Variants in CCDC39 observed in about 807,000 individuals in gnomAD.
CCDC39 encodes coiled-coil domain 39 molecular ruler complex subunit.
A neutral mutation model predicts 121.0 loss-of-function variants in CCDC39; 113 were observed. The ratio of observed to expected loss-of-function variants is 0.93; its 90% CI spans 0.80 to 1.09. The LOEUF is 1.09. Ranked by LOEUF, CCDC39 falls within the 50% of genes least tolerant of loss-of-function variation. The pLI is 0.00. For synonymous variants in CCDC39, 349 were observed against 352.2 expected (o/e 0.99, Z 0.10); for missense variants, 1,063 against 1,074.7 (o/e 0.99, Z 0.15).
intron 13 of CCDC39, among the ~76,000 whole-genome samples, chr3:180,633,382 C>T (rs113502167): frequency 2.2e-4 from 34 of 152,270 alleles, no homozygotes; most frequent in African/African-American, 7.7e-4. Flanking sequence ...TTAGTACCAT[C>T]TAAAAGAGAA....
intron 6 of CCDC39, among the ~76,000 whole-genome samples, chr3:180,657,514 A>G (rs1318361056): frequency 6.6e-6 from 1 of 152,218 alleles, no homozygotes; most frequent in Non-Finnish European, 1.5e-5. Context: ...TTACATTATC[A>G]AGCCCAGAAA....
intron 11 of CCDC39, among the ~76,000 whole-genome samples, chr3:180,645,097 C>T (rs1488611703): frequency 2.6e-5 from 4 of 152,102 alleles, no homozygotes; most frequent in Non-Finnish European, 5.9e-5. Context: ...ATGGACTCTT[C>T]CTCAGTTTCC....
At chr3:180,615,195 T>C in intron 19 of CCDC39, 118 bp from the exon 20 acceptor site, 1 of 671,488 alleles carries the variant, frequency 1.5e-6, no homozygotes, top group Non-Finnish European at 2.4e-6. Context: ...AAAGTACATA[T>C]TAATAGTGTT....
At chr3:180,652,934 G>A (rs2108425264) in intron 7 of CCDC39, among the ~76,000 whole-genome samples, 1 of 152,054 alleles carries the variant, frequency 6.6e-6, no homozygotes, top group South Asian at 2.1e-4. Context: ...AAATACTTAG[G>A]AATAAATTTA....
chr3:180,658,279 C>A (rs1711636568), intron 6 of CCDC39, among the ~76,000 whole-genome samples: 1 of 138,588 alleles, frequency 7.2e-6, no homozygotes, highest in Non-Finnish European at 1.5e-5. Flanking sequence ...AAAAGAACCT[C>A]CTTAAAAAAA....
chr3:180,677,072 C>T (rs1712234169), intron 1 of CCDC39, among the ~76,000 whole-genome samples: 1 of 147,420 alleles, frequency 6.8e-6, no homozygotes, highest in Non-Finnish European at 1.5e-5. Context: ...GTGCAGCACA[C>T]CAACATGGCA....
chr3:180,617,358 A>G (rs1717285882), intron 16 of CCDC39: 1 of 562,580 alleles, frequency 1.8e-6, no homozygotes, highest in East Asian at 2.9e-5. Context: ...TTACTATACA[A>G]TATACTTTTA....
rs945414657 is a variant in CCDC39, at chr3:180,650,130, GTCACACTTATAGT to G, written c.1167+1258_1167+1270del. The stretch of plus-strand genomic sequence containing the variant: ...GAGTAAAAGCAAGAAGTAGAGTCAG[GTCACACTTATAGT>G]TCACACTTATAGTTCACTTTGAAGT... On this transcript the variant is annotated intron_variant, in intron 9 of 19. Transcript: ENST00000476379. Among the ~76,000 whole-genome samples, 11 of 152,222 alleles carry G rather than the reference GTCACACTTATAGT, an allele frequency of 7.2e-5. No homozygotes were observed. The highest frequency in any genetic ancestry group is 2.1e-4 in the South Asian group (1 of 4,820).
At chr3:180,663,514 A>T (rs1168026143) in intron 2 of CCDC39, among the ~76,000 whole-genome samples, 2 of 152,046 alleles carry the variant, frequency 1.3e-5, no homozygotes, top group African/African-American at 4.8e-5. Flanking sequence ...CTTTACCAAA[A>T]ATACAAAAAT....
chr3:180,628,381 G>C (rs548875427), intron 14 of CCDC39, among the ~76,000 whole-genome samples: 2 of 152,030 alleles, frequency 1.3e-5, no homozygotes, highest in African/African-American at 4.8e-5. Context: ...CTAATTTTTT[G>C]TATTTTTAGT....
At chr3:180,676,019 T>C (rs1712189375) in intron 1 of CCDC39, among the ~76,000 whole-genome samples, 1 of 152,148 alleles carries the variant, frequency 6.6e-6, no homozygotes, top group Non-Finnish European at 1.5e-5. Flanking sequence ...ACTTAAATGT[T>C]AGACCTAAAA....
At chr3:180,624,484 C>A (rs974659726) in intron 14 of CCDC39, among the ~76,000 whole-genome samples, 4 of 151,468 alleles carry the variant, frequency 2.6e-5, no homozygotes, top group African/African-American at 9.7e-5. Context: ...TAAATTATTT[C>A]TTTTTTTTCT....
At chr3:180,654,357 G>A (rs1711534982) in intron 7 of CCDC39, among the ~76,000 whole-genome samples, 1 of 151,228 alleles carries the variant, frequency 6.6e-6, no homozygotes, top group South Asian at 2.1e-4. Context: ...AAACACAGGA[G>A]AAAAGCTCCT....
intron 1 of CCDC39, among the ~76,000 whole-genome samples, chr3:180,677,601 G>C (rs749801614): frequency 6.6e-6 from 1 of 151,870 alleles, no homozygotes; most frequent in Non-Finnish European, 1.5e-5. Flanking sequence ...AATTTTTTTA[G>C]CAATCAGCAC....
chr3:180,630,551 C>T (rs1035436030), intron 14 of CCDC39, among the ~76,000 whole-genome samples: 12 of 152,148 alleles, frequency 7.9e-5, no homozygotes, highest in Non-Finnish European at 1.6e-4. Context: ...CACCCCTATT[C>T]ATGTATGGTA....
intron 7 of CCDC39, among the ~76,000 whole-genome samples, chr3:180,653,177 A>G (rs981646570): frequency 2.0e-5 from 3 of 152,212 alleles, no homozygotes; most frequent in African/African-American, 7.2e-5. Context: ...GAGAGTTCTC[A>G]TACATATTTG....
chr3:180,623,503 G>T (rs1317980307), intron 14 of CCDC39, among the ~76,000 whole-genome samples: 1 of 151,210 alleles, frequency 6.6e-6, no homozygotes, highest in African/African-American at 2.4e-5. Context: ...GTTTGGTTTT[G>T]TTTTTTTTCT....
intron 13 of CCDC39, among the ~76,000 whole-genome samples, chr3:180,633,721 A>G (rs1466725535): frequency 6.6e-6 from 1 of 152,188 alleles, no homozygotes; most frequent in African/African-American, 2.4e-5. Context: ...GTAAGAAAAA[A>G]ATTAAATAGA....
intron 9 of CCDC39, among the ~76,000 whole-genome samples, chr3:180,651,049 G>A (rs962430210): frequency 1.3e-5 from 2 of 151,852 alleles, no homozygotes; most frequent in Non-Finnish European, 2.9e-5. Flanking sequence ...ACAAAAATTA[G>A]CCAGGCGTGG....
Sources: gnomAD v4.1 joint callset for allele counts (sites outside exome capture counted in the v4.1 genomes callset) on GRCh38, gnomAD v4.1.1 for gene constraint, MANE v1.5 for transcripts, NCBI Gene and HGNC (gene_info 2026-07-23, HGNC 2026-07-21) for gene names.